NAXD: variants seen among roughly 807,000 people sequenced by gnomAD.
The protein encoded by NAXD is ATP-dependent (S)-NAD(P)H-hydrate dehydratase.
Under a neutral mutation model 35.8 loss-of-function variants are expected in NAXD, and 22 were observed. The observed-to-expected ratio is 0.62, with a 90% CI of 0.44 to 0.88. NAXD has a LOEUF of 0.88. Ranked by LOEUF, NAXD falls within the 40% of genes least tolerant of loss-of-function variation. NAXD has a pLI of 0.00. For synonymous variants in NAXD, 189 were observed against 177.6 expected (o/e 1.06, Z -0.51); for missense variants, 428 against 437.7 (o/e 0.98, Z 0.20).
At chr13:110,637,074 T>G in intron 8 of NAXD, 55 bp from the exon 9 acceptor site, 1 of 1,554,132 alleles carries the variant, frequency 6.4e-7, no homozygotes, top group Non-Finnish European at 8.7e-7. Flanking sequence ...GTGGCTACTG[T>G]CACATTCACA....
At chr13:110,616,009 C>T (rs1886037460) in intron 1 of NAXD, 2 of 376,564 alleles carry the variant, frequency 5.3e-6, no homozygotes. Context: ...GTCCCAGGAG[C>T]GGCGGAGCCC....
At chr13:110,625,139 G>T in intron 3 of NAXD, 51 bp from the exon 4 acceptor site, 1 of 1,371,724 alleles carries the variant, frequency 7.3e-7, no homozygotes, top group Non-Finnish European at 1.0e-6. Flanking sequence ...TGGCGGGTGG[G>T]CAGCGATGCC....
chr13:110,625,148 C>T, intron 3 of NAXD, 42 bp from the exon 4 acceptor site: 1 of 1,479,462 alleles, frequency 6.8e-7, no homozygotes, highest in Non-Finnish European at 9.4e-7. Context: ...GGCAGCGATG[C>T]CGGAGCGATC....
At position 110,616,125 on chromosome 13, in the gene NAXD, C is replaced by T. The variant is rs367550799; in HGVS notation, c.46+478C>T. 3.9e-5 allele frequency: 11 copies of T among 281,514 alleles called. No individual in the cohort carries two copies. The East Asian group carries it at 4.2e-4, about 11-fold the overall frequency. The allele number at this position is 281,514 out of a possible 1,614,324, so 17.4% of individuals were successfully genotyped here. ...CGTCTGCTCTGCTCTGTCCCCGCTC[C>T]CGGTCTGGGAAAGATGCTCGCCAAC... is the stretch of plus-strand genomic sequence containing the variant. On this transcript the variant is annotated intron_variant, in intron 1 of 9. Transcript: ENST00000680254.
At chr13:110,625,060 G>A in intron 3 of NAXD, 130 bp from the exon 4 acceptor site, 5 of 661,306 alleles carry the variant, frequency 7.6e-6, no homozygotes, top group South Asian at 7.3e-5. Flanking sequence ...CTGGCTGGGT[G>A]TAATCCGAGC....
At chr13:110,635,164 G>A (rs550232289) in intron 7 of NAXD, among the ~76,000 whole-genome samples, 2 of 152,190 alleles carry the variant, frequency 1.3e-5, no homozygotes. Context: ...TTAGTGCCCA[G>A]TACGACTGGA....
At position 110,622,235 on chromosome 13, in the gene NAXD, G is replaced by A. The variant is rs150482005; in HGVS notation, c.66G>A (p.Ser22=). Residue 22 remains serine (S), a synonymous_variant, in exon 2 of 10, where the codon TCG becomes TCA. Coordinates refer to ENST00000680254, the MANE Select transcript of NAXD (RefSeq NM_001242882.2). ...TTTCAGTTTTAGAAAGAGCGTTTTC[G>A]CTACGTAAAGCACATTCGATAAAGG... The part of the protein sequence containing the change: ...ACRRVLERAF[S]LRKAHSIKDM... 8.7e-6 allele frequency: 14 copies of A among 1,612,232 alleles called. No homozygotes were observed. The highest frequency in any genetic ancestry group is 4.4e-5 in the South Asian group (4 of 90,770).
chr13:110,618,363 C>T (rs537281732), intron 1 of NAXD, among the ~76,000 whole-genome samples: 6 of 152,092 alleles, frequency 3.9e-5, no homozygotes, highest in South Asian at 2.1e-4. Flanking sequence ...GATTTCACAA[C>T]GGAACAGGAG....
In NAXD at chr13:110,633,126, G is replaced by T. The variant is rs538511648; in HGVS notation, c.442-1419G>T. Among the ~76,000 whole-genome samples, 883 of 152,310 alleles carry T rather than the reference G, an allele frequency of 5.8e-3. 9 individuals are homozygous for T. Among genetic ancestry groups the T allele is most frequent in the African/African-American group, 0.019 (775 of 41,562 alleles). ...TCGGGCCGCACAGGAGCCCATGGAG[G>T]GGGTGGGAGGCTCAGGCATGGCGGG... On this transcript the variant is annotated intron_variant, in intron 5 of 9. Coordinates refer to ENST00000680254, the MANE Select transcript of NAXD (RefSeq NM_001242882.2).
chr13:110,623,791 T>A (rs1019743631), intron 2 of NAXD, among the ~76,000 whole-genome samples: 1 of 152,012 alleles, frequency 6.6e-6, no homozygotes, highest in Non-Finnish European at 1.5e-5. Flanking sequence ...TCACCTGAGG[T>A]TGGGAGTTTG....
intron 5 of NAXD, among the ~76,000 whole-genome samples, chr13:110,633,758 G>GTT (rs11313823): frequency 1.4e-5 from 2 of 147,958 alleles, no homozygotes; most frequent in Admixed American, 6.7e-5. Flanking sequence ...TATACATGTA[G>GTT]TTTTTTTTTT....
intron 1 of NAXD, among the ~76,000 whole-genome samples, chr13:110,620,084 C>G (rs1180433044): frequency 6.6e-6 from 1 of 151,924 alleles, no homozygotes; most frequent in East Asian, 2.0e-4. Flanking sequence ...CAGCGGGGAG[C>G]CACTGCGCCT....
rs1318668774 is a variant in NAXD, at chr13:110,627,361, T to C, written c.333-78T>C. On this transcript the variant is annotated intron_variant, in intron 4 of 9. Coordinates refer to ENST00000680254, the MANE Select transcript of NAXD (RefSeq NM_001242882.2). The stretch of plus-strand genomic sequence containing the variant: ...CTATTTATAAGTTATTTTTTCAAAA[T>C]AAAATGTAAACAAATACATGACAGT... 4.5e-6 allele frequency: 4 copies of C among 891,572 alleles called. No homozygotes were observed. The East Asian group carries it at 7.6e-5, about 17-fold the overall frequency. The allele number at this position is 891,572 out of a possible 1,614,324, so 55.2% of individuals were successfully genotyped here.
At chr13:110,633,811 G>A (rs1051737263) in intron 5 of NAXD, among the ~76,000 whole-genome samples, 1 of 151,810 alleles carries the variant, frequency 6.6e-6, no homozygotes, top group African/African-American at 2.4e-5. Context: ...TCCTATCAGG[G>A]AAAAATGATT....
In NAXD at chr13:110,625,251, G is replaced by GC; in HGVS notation, c.308dup (p.Glu104GlyfsTer9). 6.2e-7 allele frequency: 1 copy of GC among 1,613,652 alleles called. No individual in the cohort carries two copies. The highest frequency in any genetic ancestry group is 8.5e-7 in the Non-Finnish European group (1 of 1,179,650). On this transcript the variant is annotated frameshift_variant, in exon 4 of 10. Transcript: ENST00000680254. LOFTEE classifies it high-confidence loss of function. Reference sequence around the variant, plus strand: ...GCCGCACCTGTGATTAAGGCCTACAGCCCGGAGCTGATCGTCCACCCAGTT... The same window carrying GC: ...GCCGCACCTGTGATTAAGGCCTACAGCCCCGGAGCTGATCGTCCACCCAGTT...
intron 8 of NAXD, among the ~76,000 whole-genome samples, 156 bp downstream of exon 8, chr13:110,635,744 G>A (rs145338095): frequency 6.6e-6 from 1 of 152,176 alleles, no homozygotes; most frequent in African/African-American, 2.4e-5. Flanking sequence ...ACTTTCTTCA[G>A]AGTCCATGTT....
At chr13:110,615,846 G>A in intron 1 of NAXD, 199 bp downstream of exon 1, 2 of 1,231,814 alleles carry the variant, frequency 1.6e-6, no homozygotes, top group East Asian at 3.2e-5. Context: ...CGCGCGCGGG[G>A]CCGGGGCGCC....
At position 110,615,562 on chromosome 13, in the gene NAXD, C is replaced by T. The variant is rs893111351; in HGVS notation, c.-40C>T. On this transcript the variant is annotated 5_prime_UTR_variant, in exon 1 of 10. Transcript: ENST00000680254. ...ACGCTTCCAATGGCTGTGTTTCCGG[C>T]GACGGCGCGGGGGCAGCTGGGAATC... The T allele has an allele frequency of 3.7e-6, 5 of 1,334,082 alleles. No individual in the cohort carries two copies. Among genetic ancestry groups the T allele is most frequent in the East Asian group, 3.1e-5 (1 of 32,052 alleles). The allele number at this position is 1,334,082 out of a possible 1,614,324, so 82.6% of individuals were successfully genotyped here. A position where few individuals can be genotyped will look rare whatever the true frequency, so the allele number is the denominator to read the frequency against.
intron 4 of NAXD, among the ~76,000 whole-genome samples, chr13:110,627,229 G>A (rs1886516379): frequency 6.6e-6 from 1 of 152,200 alleles, no homozygotes; most frequent in African/African-American, 2.4e-5. Context: ...CCGGAATGTG[G>A]GTGTGTGAGG....
Sources: gnomAD v4.1 joint callset for allele counts (sites outside exome capture counted in the v4.1 genomes callset) on GRCh38, gnomAD v4.1.1 for gene constraint, MANE v1.5 for transcripts, NCBI Gene and HGNC (gene_info 2026-07-23, HGNC 2026-07-21) for gene names.